LRIG2: variants seen among roughly 807,000 people sequenced by gnomAD.
LRIG2 encodes leucine rich repeats and immunoglobulin like domains 2.
A neutral mutation model predicts 107.8 loss-of-function variants in LRIG2; 93 were observed. The observed-to-expected ratio is 0.86, with a 90% CI of 0.73 to 1.03. The LOEUF (loss-of-function observed/expected upper bound fraction) is 1.03, where lower values mean the gene tolerates loss of function less well. Among genes scored for constraint, LRIG2 ranks in the 50% least tolerant of loss-of-function variants. The probability of loss-of-function intolerance (pLI) is 0.00; values close to 1 mark genes in which losing one functional copy is unlikely to be tolerated. For synonymous variants in LRIG2, 471 were observed against 470.6 expected (o/e 1.00, Z -0.01); for missense variants, 1,226 against 1,296.0 (o/e 0.95, Z 0.83).
intron 1 of LRIG2, among the ~76,000 whole-genome samples, chr1:113,088,475 T>C (rs1242020673): frequency 6.6e-6 from 1 of 152,238 alleles, no homozygotes; most frequent in Non-Finnish European, 1.5e-5. Context: ...TGTGGGTCAA[T>C]GATTATTGAC....
chr1:113,091,379 G>A lies in LRIG2; in HGVS notation c.301G>A (p.Glu101Lys), dbSNP rs1361837465. ...NISLESQTLQEVKMNYNELTE... is the reference protein window; with the variant it reads ...NISLESQTLQKVKMNYNELTE... ...CAGCTTGGAATCACAAACATTACAG[G>A]AAGTGTAAGTTATTTTTATTTATTT... The change falls in exon 2 of 18, where the codon GAA becomes AAA. Residue 101 changes from glutamate to lysine, a missense_variant. Glu to Lys is a moderately conservative substitution (Grantham distance 56). Transcript: ENST00000361127. 2.5e-6 allele frequency: 4 copies of A among 1,578,932 alleles called. No individual in the cohort carries two copies. Among genetic ancestry groups the A allele is most frequent in the South Asian group, 1.2e-5 (1 of 86,952 alleles).
At chr1:113,112,456 C>G in intron 13 of LRIG2, 23 bp from the exon 14 acceptor site, 2 of 1,586,260 alleles carry the variant, frequency 1.3e-6, no homozygotes, top group Non-Finnish European at 1.7e-6. Flanking sequence ...CCCACTTTTT[C>G]TTGGTGATTT....
intron 17 of LRIG2, 50 bp from the exon 18 acceptor site, chr1:113,123,825 A>G: frequency 6.7e-7 from 1 of 1,482,228 alleles, no homozygotes; most frequent in East Asian, 2.3e-5. Flanking sequence ...GGCTAAAAGG[A>G]TATTAAGTTT....
At chr1:113,085,920 T>A (rs1246622898) in intron 1 of LRIG2, among the ~76,000 whole-genome samples, 1 of 152,112 alleles carries the variant, frequency 6.6e-6, no homozygotes, top group Non-Finnish European at 1.5e-5. Context: ...TTGTGTTTAG[T>A]TCAGTTTACG....
Position 113,107,550 on chromosome 1 carries a change from G to A in LRIG2, c.1314-44G>A. 2.5e-6 allele frequency: 4 copies of A among 1,582,376 alleles called. No individual in the cohort carries two copies. In the South Asian group the frequency reaches 4.6e-5, roughly 18 times the overall value. On this transcript the variant is annotated intron_variant, in intron 11 of 17. Coordinates refer to ENST00000361127, the MANE Select transcript of LRIG2 (RefSeq NM_014813.3). ...TTTTAATACTGAAGACGTTTAGAAT[G>A]AAAAGTAAAACAAAGGATGCTTTTC...
intron 11 of LRIG2, among the ~76,000 whole-genome samples, chr1:113,106,566 G>A (rs1437199025): frequency 5.3e-5 from 8 of 152,180 alleles, no homozygotes; most frequent in East Asian, 1.9e-4. Context: ...GTGCAGTGGC[G>A]TGATCTCGGC....
chr1:113,082,000 A>G (rs1300427006), intron 1 of LRIG2, among the ~76,000 whole-genome samples: 1 of 152,206 alleles, frequency 6.6e-6, no homozygotes, highest in Non-Finnish European at 1.5e-5. Flanking sequence ...TAAATAAAAG[A>G]CGTAGTAAAT....
Position 113,112,002 on chromosome 1 carries a change from AAAG to A in LRIG2, c.1799-473_1799-471del, listed in dbSNP as rs1386775972. 2.0e-5 allele frequency among the ~76,000 whole-genome samples: 3 copies of A among 152,206 alleles called. No homozygotes were observed. In the East Asian group the frequency reaches 5.8e-4, roughly 29 times the overall value. On this transcript the variant is annotated intron_variant, in intron 13 of 17. Transcript: ENST00000361127. ...TACCAGGTTCTAAAATACGAAGTTC[AAAG>A]AAGGTTTGTGGCCTTCTGCTTTCCC...
chr1:113,086,402 A>G (rs1209865201), intron 1 of LRIG2, among the ~76,000 whole-genome samples: 1 of 152,222 alleles, frequency 6.6e-6, no homozygotes, highest in East Asian at 1.9e-4. Flanking sequence ...GGCTAAATGA[A>G]GCACTGTCAT....
At chr1:113,094,872 C>A in intron 6 of LRIG2, 117 bp downstream of exon 6, 2 of 962,242 alleles carry the variant, frequency 2.1e-6, no homozygotes, top group Non-Finnish European at 3.0e-6. Flanking sequence ...ATTCCCTGGT[C>A]ACTGATGTGA....
intron 1 of LRIG2, among the ~76,000 whole-genome samples, chr1:113,073,870 T>C (rs1652828768): frequency 6.6e-6 from 1 of 151,408 alleles, no homozygotes. Context: ...TTAAGATTCT[T>C]GGGGCCAAGG....
intron 17 of LRIG2, among the ~76,000 whole-genome samples, chr1:113,120,432 A>G (rs1398238588): frequency 6.6e-6 from 1 of 151,538 alleles, no homozygotes; most frequent in Non-Finnish European, 1.5e-5. Flanking sequence ...TGGGCAACAG[A>G]GTGAGACTCT....
chr1:113,105,498 G>C (rs573030504), intron 11 of LRIG2, among the ~76,000 whole-genome samples: 4 of 152,264 alleles, frequency 2.6e-5, no homozygotes, highest in African/African-American at 9.6e-5. Flanking sequence ...TCCTGTTATT[G>C]ATGCAAAGCC....
chr1:113,116,727 C>T (rs1335053262), intron 16 of LRIG2, among the ~76,000 whole-genome samples: 1 of 152,150 alleles, frequency 6.6e-6, no homozygotes, highest in Non-Finnish European at 1.5e-5. Context: ...TCAGGTATCT[C>T]TTTCTTACCC....
intron 14 of LRIG2, among the ~76,000 whole-genome samples, chr1:113,114,180 G>A (rs1654895739): frequency 6.6e-6 from 1 of 151,580 alleles, no homozygotes; most frequent in South Asian, 2.1e-4. Flanking sequence ...GGTCACCGCT[G>A]CTCACCCCCT....
At chr1:113,104,397 A>G (rs1654444541) in intron 11 of LRIG2, among the ~76,000 whole-genome samples, 1 of 152,228 alleles carries the variant, frequency 6.6e-6, no homozygotes, top group African/African-American at 2.4e-5. Context: ...GTTGAAAAGG[A>G]AAAAGAACAA....
rs919784677 is a variant in LRIG2, at chr1:113,109,387, A to C, written c.1478-855A>C. On this transcript the variant is annotated intron_variant, in intron 12 of 17. Coordinates refer to ENST00000361127, the MANE Select transcript of LRIG2 (RefSeq NM_014813.3). ...ACATTTGACCTATTTGGATTTTTTC[A>C]CTACTTCAGGTGAAACCCGTGCACA... Among the ~76,000 whole-genome samples, 8 of 152,238 alleles carry C rather than the reference A, an allele frequency of 5.3e-5. No individual in the cohort carries two copies. In the South Asian group the frequency reaches 1.7e-3, roughly 31 times the overall value.
chr1:113,123,886 CG>C lies in LRIG2; in HGVS notation c.2985del (p.Val997CysfsTer4), dbSNP rs1557924394. 2 of 1,613,782 alleles carry C rather than the reference CG, an allele frequency of 1.2e-6. No homozygotes were observed. The highest frequency in any genetic ancestry group is 1.7e-6 in the Non-Finnish European group (2 of 1,179,788). ...STQMSGETLQ[R>X]PVWNINRELG... ...TCTTTCATTCTCAGAAACATTGCAGCGGCCCGTGTGGAACATAAACAGAGAA... is the reference window on the plus strand; with the variant it reads ...TCTTTCATTCTCAGAAACATTGCAGCGCCCGTGTGGAACATAAACAGAGAA... On this transcript the variant is annotated frameshift_variant, in exon 18 of 18. Coordinates refer to ENST00000361127, the MANE Select transcript of LRIG2 (RefSeq NM_014813.3). LOFTEE classifies it low-confidence loss of function (END_TRUNC).
chr1:113,081,971 G>A (rs766896246), intron 1 of LRIG2, among the ~76,000 whole-genome samples: 1 of 152,164 alleles, frequency 6.6e-6, no homozygotes, highest in Non-Finnish European at 1.5e-5. Flanking sequence ...GATATTAGTG[G>A]CCAAGTAAAA....
Sources: allele counts gnomAD v4.1 joint callset (sites outside exome capture counted in the v4.1 genomes callset), GRCh38; gene constraint gnomAD v4.1.1; transcripts MANE v1.5; gene names NCBI Gene and HGNC (gene_info 2026-07-23, HGNC 2026-07-21).